Variants in LCLAT1 observed in about 807,000 individuals in gnomAD.
LCLAT1 encodes lysocardiolipin acyltransferase 1, also known as 1-AGP acyltransferase 8.
LCLAT1 carries 11 observed loss-of-function variants against 30.7 expected under a neutral mutation model. The observed-to-expected ratio is 0.36, with a 90% CI of 0.23 to 0.59. LCLAT1 has a LOEUF of 0.59. LCLAT1 is among the 20% of genes least tolerant of loss of function. The pLI, the probability that LCLAT1 is intolerant of heterozygous loss-of-function variation, is 0.77. For synonymous variants in LCLAT1, 155 were observed against 151.3 expected, an observed-to-expected ratio of 1.02 and a Z score of -0.18; for missense variants, 402 against 458.6, an observed-to-expected ratio of 0.88 and a Z score of 1.13.
intron 1 of LCLAT1, among the ~76,000 whole-genome samples, chr2:30,494,353 C>T (rs1683988351): frequency 6.6e-6 from 1 of 152,114 alleles, no homozygotes; most frequent in African/African-American, 2.4e-5. Context: ...CTTTTTTCTT[C>T]AGAGGCTTTT....
At chr2:30,589,194 C>G (rs1666579109) in intron 5 of LCLAT1, among the ~76,000 whole-genome samples, 1 of 152,118 alleles carries the variant, frequency 6.6e-6, no homozygotes, top group African/African-American at 2.4e-5. Flanking sequence ...TGACAGTAAA[C>G]TTGACAAAAC....
In LCLAT1 at chr2:30,597,580, C is replaced by T. The variant is rs143347732; in HGVS notation, c.628+29404C>T. On this transcript the variant is annotated intron_variant, in intron 5 of 5. Coordinates refer to ENST00000379509, the MANE Select transcript of LCLAT1 (RefSeq NM_001002257.3). Reference sequence around the variant, plus strand: ...GGATTTTCTAGATACAGGATCATGTCATCTGCAAACAAAGACAATTTGGCT... The same window carrying T: ...GGATTTTCTAGATACAGGATCATGTTATCTGCAAACAAAGACAATTTGGCT... 2.6e-3 allele frequency among the ~76,000 whole-genome samples: 403 copies of T among 152,268 alleles called. 2 individuals are homozygous for T. Among genetic ancestry groups the T allele is most frequent in the Non-Finnish European group, 3.7e-3 (252 of 68,016 alleles).
intron 3 of LCLAT1, among the ~76,000 whole-genome samples, chr2:30,556,231 A>C (rs887572474): frequency 1.3e-5 from 2 of 152,236 alleles, no homozygotes; most frequent in African/African-American, 4.8e-5. Context: ...AGTATGGCTG[A>C]GTGCCAATAA....
chr2:30,498,041 G>C (rs866899073), intron 1 of LCLAT1, among the ~76,000 whole-genome samples: 2 of 152,296 alleles, frequency 1.3e-5, no homozygotes, highest in Middle Eastern at 6.8e-3. Context: ...AGTCTTGTTT[G>C]AGGTGTTACC....
At chr2:30,579,520 C>T (rs1365825111) in intron 5 of LCLAT1, among the ~76,000 whole-genome samples, 1 of 152,056 alleles carries the variant, frequency 6.6e-6, no homozygotes, top group African/African-American at 2.4e-5. Flanking sequence ...GTCACAGAAA[C>T]AGCATACAAG....
chr2:30,476,621 G>C (rs533154631), intron 1 of LCLAT1: 9 of 430,084 alleles, frequency 2.1e-5, no homozygotes, highest in Non-Finnish European at 4.2e-5. Context: ...AACGCTCGCC[G>C]ATTCTACCAT....
Position 30,562,139 on chromosome 2 carries a change from A to T in LCLAT1, c.365-7A>T. The T allele has an allele frequency of 6.9e-6, 11 of 1,592,330 alleles. No homozygotes were observed. Among genetic ancestry groups the T allele is most frequent in the Non-Finnish European group, 9.4e-6 (11 of 1,165,182 alleles). ...ATAGGTAAATTTTATTGTTAAATTG[A>T]TTCTAGGTTGGGCCATGCAGGCTGC... On this transcript the variant is annotated splice_region_variant and splice_polypyrimidine_tract_variant and intron_variant, in intron 3 of 5. Transcript: ENST00000379509.
chr2:30,586,864 A>G (rs1666466252), intron 5 of LCLAT1, among the ~76,000 whole-genome samples: 1 of 152,238 alleles, frequency 6.6e-6, no homozygotes, highest in African/African-American at 2.4e-5. Context: ...CCATGCAACT[A>G]CACGGACACT....
chr2:30,464,824 C>T (rs1250937721), intron 1 of LCLAT1, among the ~76,000 whole-genome samples: 1 of 152,118 alleles, frequency 6.6e-6, no homozygotes, highest in Non-Finnish European at 1.5e-5. Context: ...TAATTCCTGA[C>T]GAAAAGGCTT....
At chr2:30,519,182 C>G (rs1003182573) in intron 1 of LCLAT1, among the ~76,000 whole-genome samples, 4 of 152,218 alleles carry the variant, frequency 2.6e-5, no homozygotes, top group African/African-American at 9.6e-5. Flanking sequence ...ATGTGCCTCA[C>G]CCTGCACTTC....
intron 1 of LCLAT1, among the ~76,000 whole-genome samples, chr2:30,487,846 A>T (rs778474286): frequency 6.6e-6 from 1 of 152,180 alleles, no homozygotes; most frequent in Non-Finnish European, 1.5e-5. Flanking sequence ...CAGTCAGCAC[A>T]GTCCTGTCTG....
intron 1 of LCLAT1, among the ~76,000 whole-genome samples, chr2:30,493,847 C>G (rs1212465152): frequency 6.6e-6 from 1 of 152,056 alleles, no homozygotes; most frequent in Non-Finnish European, 1.5e-5. Flanking sequence ...TACATAGAGG[C>G]ATTAGTTATT....
At chr2:30,572,756 C>G (rs1217995056) in intron 5 of LCLAT1, among the ~76,000 whole-genome samples, 3 of 150,876 alleles carry the variant, frequency 2.0e-5, no homozygotes, top group African/African-American at 4.9e-5. Context: ...ATCCTTGGCT[C>G]TACTGTGAGT....
chr2:30,541,464 G>A (rs1262179555), intron 3 of LCLAT1, among the ~76,000 whole-genome samples: 1 of 151,986 alleles, frequency 6.6e-6, no homozygotes, highest in African/African-American at 2.4e-5. Context: ...CCCCCAAATA[G>A]CTACTAAGCC....
intron 5 of LCLAT1, chr2:30,607,742 T>A (rs1572690912): frequency 6.6e-6 from 1 of 152,180 alleles, no homozygotes; most frequent in East Asian, 1.9e-4. Context: ...TCATAGGACA[T>A]GACAGCTCCA....
At chr2:30,581,005 GCTCT>G (rs1346974825) in intron 5 of LCLAT1, among the ~76,000 whole-genome samples, 12 of 152,278 alleles carry the variant, frequency 7.9e-5, no homozygotes, top group South Asian at 4.1e-4. Context: ...AAGGCCCTGT[GCTCT>G]CTGTCAGATC....
At chr2:30,606,780 C>CT (rs1279589332) in intron 5 of LCLAT1, 8 of 152,102 alleles carry the variant, frequency 5.3e-5, no homozygotes, top group African/African-American at 1.9e-4. Flanking sequence ...GGAAAAGAAA[C>CT]TATCATCAGA....
At chr2:30,529,238 A>G (rs1343499446) in intron 2 of LCLAT1, among the ~76,000 whole-genome samples, 1 of 152,192 alleles carries the variant, frequency 6.6e-6, no homozygotes, top group Non-Finnish European at 1.5e-5. Flanking sequence ...TGTGGATTAA[A>G]ATGATTTTGT....
intron 5 of LCLAT1, among the ~76,000 whole-genome samples, chr2:30,622,823 T>C (rs1668329109): frequency 6.6e-6 from 1 of 152,096 alleles, no homozygotes; most frequent in Non-Finnish European, 1.5e-5. Context: ...GAGCCCCCAA[T>C]CTTTCCTCTG....
Sources: allele counts gnomAD v4.1 joint callset (sites outside exome capture counted in the v4.1 genomes callset), GRCh38; gene constraint gnomAD v4.1.1; transcripts MANE v1.5; gene names NCBI Gene and HGNC (gene_info 2026-07-23, HGNC 2026-07-21).